ADCY5: variants seen among roughly 807,000 people sequenced by gnomAD.
ADCY5 encodes adenylate cyclase type 5.
In ADCY5, 30 loss-of-function variants were observed where a neutral mutation model predicts 119.7. The observed-to-expected ratio is 0.25, with a 90% confidence interval of 0.19 to 0.34. The LOEUF (loss-of-function observed/expected upper bound fraction) is 0.34. Ranked by LOEUF, ADCY5 falls within the 10% of genes least tolerant of loss-of-function variation. The pLI is 1.00. For missense variants in ADCY5, 1,324 were observed against 1,775.2 expected (o/e 0.75, Z 4.57); for synonymous variants, 753 against 762.2 (o/e 0.99, Z 0.20).
In ADCY5 at chr3:123,352,846, G is replaced by A. The variant is rs57138522; in HGVS notation, c.1135-265C>T. ...ATCACCTAATAATCATACTAAACATGCCTATAGTACCAGAAATTAAAAGGC... is the reference window on the plus strand; with the variant it reads ...ATCACCTAATAATCATACTAAACATACCTATAGTACCAGAAATTAAAAGGC... On this transcript the variant is annotated intron_variant, in intron 1 of 20. Transcript: ENST00000462833. The surrounding 1 kb of genome is among the most constrained non-coding windows in gnomAD (Gnocchi z 4.8). Among the ~76,000 whole-genome samples, 1 of 152,090 alleles carries A rather than the reference G, an allele frequency of 6.6e-6. No individual in the cohort carries two copies. The highest frequency in any genetic ancestry group is 2.4e-5 in the African/African-American group (1 of 41,386).
At chr3:123,372,130 T>G (rs967259553) in intron 1 of ADCY5, among the ~76,000 whole-genome samples, 2 of 152,178 alleles carry the variant, frequency 1.3e-5, no homozygotes, top group Non-Finnish European at 2.9e-5. Flanking sequence ...TCCTGAAAGG[T>G]GAGCCTCCAT....
intron 3 of ADCY5, among the ~76,000 whole-genome samples, chr3:123,336,646 G>GACACACA (rs958647649): frequency 1.2e-4 from 18 of 152,172 alleles, no homozygotes; most frequent in African/African-American, 4.3e-4. Flanking sequence ...GGGCGCCCCA[G>GACACACA]ACACACAAGG....
At chr3:123,357,300 T>C (rs550267966) in intron 1 of ADCY5, among the ~76,000 whole-genome samples, 2 of 151,330 alleles carry the variant, frequency 1.3e-5, no homozygotes, top group South Asian at 4.2e-4. Context: ...TGTAAGCAGA[T>C]GGCTGGACAG....
chr3:123,394,400 G>A (rs537569053), intron 1 of ADCY5, among the ~76,000 whole-genome samples: 62 of 152,198 alleles, frequency 4.1e-4, no homozygotes, highest in Non-Finnish European at 8.1e-4. Flanking sequence ...AACTGAGAGC[G>A]GGGAAATAGC....
intron 1 of ADCY5, among the ~76,000 whole-genome samples, chr3:123,428,999 T>C (rs1344071767): frequency 1.3e-5 from 2 of 152,208 alleles, no homozygotes; most frequent in Non-Finnish European, 2.9e-5. Context: ...TTTCCTTATC[T>C]ATAAAAGGTT....
rs1047111820 is a variant in ADCY5 at position 123,386,967 on chromosome 3, C to T, written c.1135-34386G>A. ...CATGACCCAGCACAGCTCATGCAAA[C>T]ACTAGGATCCATAAGAAAGTGCTGG... On this transcript the variant is annotated intron_variant, in intron 1 of 20. Coordinates refer to ENST00000462833, the MANE Select transcript of ADCY5 (RefSeq NM_183357.3). 3.3e-5 allele frequency among the ~76,000 whole-genome samples: 5 copies of T among 152,192 alleles called. No homozygotes were observed. The East Asian group carries it at 7.7e-4, about 23-fold the overall frequency.
intron 9 of ADCY5, 117 bp downstream of exon 9, chr3:123,320,632 G>T: frequency 7.1e-7 from 1 of 1,410,042 alleles, no homozygotes; most frequent in Non-Finnish European, 1.0e-6. Context: ...TTCACTCTCA[G>T]CTAAGACTGC....
chr3:123,297,998 TTTTA>T (rs1250914475), intron 15 of ADCY5, among the ~76,000 whole-genome samples: 2 of 147,156 alleles, frequency 1.4e-5, no homozygotes, highest in Non-Finnish European at 3.1e-5. Context: ...ATAAGTGGCT[TTTTA>T]TTTTTTTATT....
At chr3:123,338,634 AGAACT>A (rs1288364627) in intron 3 of ADCY5, among the ~76,000 whole-genome samples, 1 of 152,196 alleles carries the variant, frequency 6.6e-6, no homozygotes, top group African/African-American at 2.4e-5. Flanking sequence ...GCGGGTGCAC[AGAACT>A]GGGATAGGGC....
chr3:123,420,540 G>A (rs941539971), intron 1 of ADCY5, among the ~76,000 whole-genome samples: 2 of 152,160 alleles, frequency 1.3e-5, no homozygotes, highest in Admixed American at 6.5e-5. Context: ...ACAGATGGCC[G>A]CATCTCCATT....
At chr3:123,292,389 C>T (rs1017304729) in intron 17 of ADCY5, among the ~76,000 whole-genome samples, 3 of 152,110 alleles carry the variant, frequency 2.0e-5, no homozygotes, top group African/African-American at 7.2e-5. Context: ...GATCCAGGAC[C>T]CCTAGGCTCA....
chr3:123,448,314 C>A lies in ADCY5; in HGVS notation c.232G>T (p.Asp78Tyr), dbSNP rs756652189. Reference protein sequence around the residue: ...RLASRWRSDDDDDPPLSGDDP... With the variant: ...RLASRWRSDDYDDPPLSGDDP... ...TCACCGCTCAGCGGAGGATCGTCGT[C>A]GTCGTCGCTGCGCCAGCGGCTGGCC... Residue 78 changes from aspartate to tyrosine, a missense_variant, in exon 1 of 21, where the codon GAC becomes TAC. This residue lies in a region of ADCY5 where 585 missense variants were observed against 569.9 expected (regional missense o/e 1.03). Transcript: ENST00000462833. 2 of 1,539,012 alleles carry A rather than the reference C, an allele frequency of 1.3e-6. No homozygotes were observed.
intron 12 of ADCY5, among the ~76,000 whole-genome samples, chr3:123,305,009 C>T (rs1940123692): frequency 6.6e-6 from 1 of 152,106 alleles, no homozygotes; most frequent in Non-Finnish European, 1.5e-5. Context: ...CCTGCTGAGG[C>T]CTATCTGCTA....
intron 3 of ADCY5, among the ~76,000 whole-genome samples, chr3:123,345,103 G>C (rs960657595): frequency 2.0e-5 from 3 of 152,244 alleles, no homozygotes; most frequent in Non-Finnish European, 2.9e-5. Flanking sequence ...CTCCATGGGA[G>C]AGAGACAGAG....
intron 1 of ADCY5, among the ~76,000 whole-genome samples, chr3:123,378,671 C>T (rs181441155): frequency 3.9e-5 from 6 of 152,340 alleles, no homozygotes; most frequent in East Asian, 1.9e-4. Flanking sequence ...AAACTCAAGG[C>T]TCAAATCCTG....
rs2108184740 is a variant in ADCY5, at chr3:123,289,952, G to A, written c.3330C>T (p.Ile1110=). The change falls in exon 19 of 21, where the codon ATC becomes ATT. Residue 1110 remains isoleucine, a splice_region_variant and synonymous_variant. Transcript: ENST00000462833. ...LNEIIADFDE[I]ISEDRFRQLE... ...GCTGCCGGAACCGATCCTCGCTGAT[G>A]ATCTGGATGAAGGAGGCCAAACCTG... 6.2e-7 allele frequency: 1 copy of A among 1,614,094 alleles called. No individual in the cohort carries two copies. Among genetic ancestry groups the A allele is most frequent in the East Asian group, 2.2e-5 (1 of 44,872 alleles).
intron 1 of ADCY5, among the ~76,000 whole-genome samples, chr3:123,373,171 G>A (rs1429754607): frequency 6.6e-6 from 1 of 152,234 alleles, no homozygotes; most frequent in African/African-American, 2.4e-5. Context: ...TGTTCGAGTA[G>A]GAACAGGGGC....
In ADCY5 at chr3:123,448,635, C is replaced by G. The variant is rs1378599488; in HGVS notation, c.-90G>C. ...GAGGGCGGACGGCCGAGCAGGGGGA[C>G]CAGGCTAGGGTCACACGTCGGGGGC... On this transcript the variant is annotated 5_prime_UTR_variant, in exon 1 of 21. Transcript: ENST00000462833. 7 of 1,199,504 alleles carry G rather than the reference C, an allele frequency of 5.8e-6. No individual in the cohort carries two copies. The highest frequency in any genetic ancestry group is 6.3e-6 in the Non-Finnish European group (6 of 950,382). 74.3% of individuals were successfully genotyped at this position (1,199,504 alleles called of 1,614,324 possible).
intron 1 of ADCY5, among the ~76,000 whole-genome samples, chr3:123,359,996 T>C (rs1380575892): frequency 6.6e-6 from 1 of 151,646 alleles, no homozygotes; most frequent in African/African-American, 2.4e-5. Context: ...TTAAATTATA[T>C]ACTCTTAGAA....
Sources: gnomAD v4.1 joint callset for allele counts (sites outside exome capture counted in the v4.1 genomes callset) on GRCh38, gnomAD v4.1.1 for gene constraint, gnomAD v4.1.1 regional missense constraint, Gnocchi (gnomAD v3.1) non-coding constraint, MANE v1.5 for transcripts, NCBI Gene and HGNC (gene_info 2026-07-23, HGNC 2026-07-21) for gene names.